Variants in PGK1 observed in about 807,000 individuals in gnomAD.
PGK1 encodes phosphoglycerate kinase 1.
Under a neutral mutation model 26.9 loss-of-function variants are expected in PGK1, and 3 were observed. That is an observed-to-expected ratio of 0.11 (90% CI 0.05 to 0.29). The LOEUF (loss-of-function observed/expected upper bound fraction) is 0.29. Among genes scored for constraint, PGK1 ranks in the 10% least tolerant of loss-of-function variants. The pLI is 1.00. For synonymous variants in PGK1, 125 were observed against 115.3 expected (o/e 1.08, Z -0.54); for missense variants, 270 against 314.7 (o/e 0.86, Z 1.07).
chrX:78,123,413 A>C (rs2078366800), intron 8 of PGK1, 39 bp downstream of exon 8: 1 of 1,034,428 alleles, frequency 9.7e-7, no homozygotes, highest in Non-Finnish European at 1.4e-6. Context: ...GAGTGAACAG[A>C]AACTCTGTGG....
At chrX:78,123,456 A>G (rs1266028614) in intron 8 of PGK1, 82 bp downstream of exon 8, 11 of 787,932 alleles carry the variant, frequency 1.4e-5, no homozygotes, top group Non-Finnish European at 2.1e-5. Flanking sequence ...CCAATCAACA[A>G]GCATTTTAAA....
chrX:78,117,975 G>A, intron 5 of PGK1, 76 bp from the exon 6 acceptor site: 1 of 976,256 alleles, frequency 1.0e-6, no homozygotes, highest in South Asian at 1.9e-5. Flanking sequence ...ATATTTTAGT[G>A]ATAAGGAGCT....
chrX:78,120,436 A>AC (rs1414677104), intron 6 of PGK1, among the ~76,000 whole-genome samples: 1 of 110,264 alleles, frequency 9.1e-6, no homozygotes, highest in African/African-American at 3.3e-5. Context: ...GTGTGTGTGT[A>AC]CATATATAGA....
At chrX:78,104,997 C>T (rs782283826) in intron 1 of PGK1, among the ~76,000 whole-genome samples, 14 of 112,671 alleles carry the variant, frequency 1.2e-4, no homozygotes, top group African/African-American at 4.5e-4. Flanking sequence ...TAACAGGCGT[C>T]TGCTGCCCTG....
chrX:78,120,471 ATATATC>A (rs1322842236), intron 6 of PGK1, among the ~76,000 whole-genome samples: 3 of 110,286 alleles, frequency 2.7e-5, no homozygotes, highest in African/African-American at 9.9e-5. Flanking sequence ...AGACATATCT[ATATATC>A]TAGATCTAGA....
rs1161966279 is a variant in PGK1 at position 78,114,069 on chromosome X, C to A, written c.326C>A (p.Ala109Asp). 7.5e-6 allele frequency: 9 copies of A among 1,207,482 alleles called. No homozygotes were observed. Among genetic ancestry groups the A allele is most frequent in the Middle Eastern group, 2.3e-4 (1 of 4,286 alleles). Residue 109 changes from alanine (A) to aspartate (D), a missense_variant, in exon 4 of 11, where the codon GCC becomes GAC. Coordinates refer to ENST00000373316, the MANE Select transcript of PGK1 (RefSeq NM_000291.4). The part of the protein sequence containing the change: ...CVGPEVEKAC[A>D]NPAAGSVILL... ...GGCCCAGAAGTGGAGAAAGCCTGTG[C>A]CAACCCAGCTGCTGGGTCTGTCATC...
chrX:78,125,564 C>G, intron 10 of PGK1, 139 bp downstream of exon 10: 2 of 542,412 alleles, frequency 3.7e-6, no homozygotes, highest in Non-Finnish European at 3.2e-6. Flanking sequence ...AGAGGAACTT[C>G]AGATAAAGCT....
intron 1 of PGK1, 60 bp from the exon 2 acceptor site, chrX:78,109,807 C>T (rs1466415061): frequency 1.3e-6 from 1 of 762,974 alleles, no homozygotes; most frequent in African/African-American, 2.1e-5. Flanking sequence ...ATTAAAAATG[C>T]ATCTCCTAGT....
intron 1 of PGK1, among the ~76,000 whole-genome samples, chrX:78,108,477 C>T (rs1293530497): frequency 8.9e-6 from 1 of 112,238 alleles, no homozygotes; most frequent in Non-Finnish European, 1.9e-5. Context: ...AGGCTTACTG[C>T]CTTTAATTTT....
chrX:78,123,023 AAC>A, intron 7 of PGK1, 74 bp downstream of exon 7: 2 of 764,963 alleles, frequency 2.6e-6, no homozygotes, highest in Middle Eastern at 2.9e-4. Flanking sequence ...GTAAAAAGAA[AAC>A]AGTCTTTTGA....
chrX:78,123,410 C>G (rs782156422), intron 8 of PGK1, 36 bp downstream of exon 8: 1 of 1,055,488 alleles, frequency 9.5e-7, no homozygotes, highest in South Asian at 1.9e-5. Context: ...TGTGAGTGAA[C>G]AGAAACTCTG....
chrX:78,118,042 C>G lies in PGK1; in HGVS notation c.522-9C>G, dbSNP rs1314738848. 9.1e-6 allele frequency: 11 copies of G among 1,202,971 alleles called. No individual in the cohort carries two copies. In the African/African-American group the frequency reaches 1.6e-4, roughly 17 times the overall value. On this transcript the variant is annotated splice_polypyrimidine_tract_variant and intron_variant, in intron 5 of 10. Transcript: ENST00000373316. ...TGACTAGAATCTGAATGTCTTTGAT[C>G]TTTTCTAGCTCCATGGTAGGAGTCA...
intron 1 of PGK1, among the ~76,000 whole-genome samples, chrX:78,108,914 A>G (rs1247340663): frequency 4.5e-5 from 5 of 112,007 alleles, no homozygotes; most frequent in African/African-American, 1.6e-4. Context: ...TCTCTCAGTA[A>G]CTACGAGGTA....
At chrX:78,114,620 C>A (rs1318351811) in intron 4 of PGK1, among the ~76,000 whole-genome samples, 1 of 100,758 alleles carries the variant, frequency 9.9e-6, no homozygotes, top group East Asian at 3.3e-4. Context: ...GGCAGTCATA[C>A]GATTAAAGTT....
intron 6 of PGK1, among the ~76,000 whole-genome samples, chrX:78,121,095 A>T (rs1203359713): frequency 1.8e-5 from 2 of 112,141 alleles, no homozygotes; most frequent in African/African-American, 6.5e-5. Context: ...TGCTAAGCAG[A>T]TTTCTTTTAA....
chrX:78,110,538 C>T lies in PGK1; in HGVS notation c.116+621C>T, dbSNP rs782726084. On this transcript the variant is annotated intron_variant, in intron 2 of 10. Transcript: ENST00000373316. Reference sequence around the variant, plus strand: ...CTGTAATCCCAGCACTTTGGAAGGCCGAGGCAGGAGGATTGCTTGAGGCCA... The same window carrying T: ...CTGTAATCCCAGCACTTTGGAAGGCTGAGGCAGGAGGATTGCTTGAGGCCA... Among the ~76,000 whole-genome samples the T allele has an allele frequency of 6.4e-5, 7 of 108,875 alleles. No homozygotes were observed. The South Asian group carries it at 1.6e-3, about 25-fold the overall frequency. The allele number at this position is 108,875 out of a possible 115,157, so 94.5% of individuals were successfully genotyped here.
At chrX:78,125,135 T>C in intron 9 of PGK1, 84 bp downstream of exon 9, 1 of 874,598 alleles carries the variant, frequency 1.1e-6, no homozygotes, top group Non-Finnish European at 1.7e-6. Flanking sequence ...ACTTCTTCTA[T>C]GTCTCTTTAT....
intron 8 of PGK1, among the ~76,000 whole-genome samples, chrX:78,123,757 C>T (rs1384396494): frequency 1.8e-5 from 2 of 109,944 alleles, no homozygotes; most frequent in African/African-American, 6.6e-5. Context: ...TACAGGTGTG[C>T]ACCACCATGC....
intron 5 of PGK1, 145 bp downstream of exon 5, chrX:78,117,560 G>T (rs1424312682): frequency 4.4e-5 from 22 of 501,150 alleles, no homozygotes; most frequent in Non-Finnish European, 7.1e-5. Flanking sequence ...TATGGCTCTT[G>T]TTGAGTAGCT....
Sources: gnomAD v4.1 joint callset for allele counts (sites outside exome capture counted in the v4.1 genomes callset) on GRCh38, gnomAD v4.1.1 for gene constraint, MANE v1.5 for transcripts, NCBI Gene and HGNC (gene_info 2026-07-23, HGNC 2026-07-21) for gene names.